Variants in KLRG1 observed in about 807,000 individuals in gnomAD.
KLRG1 encodes killer cell lectin-like receptor subfamily G member 1.
In KLRG1, 16 loss-of-function variants were observed where a neutral mutation model predicts 21.8. That is an observed-to-expected ratio of 0.73 (90% CI 0.50 to 1.11). The LOEUF (loss-of-function observed/expected upper bound fraction) is 1.11. Among genes scored for constraint, KLRG1 ranks in the 50% most tolerant of loss-of-function variants. The pLI, the probability that KLRG1 is intolerant of heterozygous loss-of-function variation, is 0.00. For missense variants in KLRG1, 173 were observed against 218.3 expected, an observed-to-expected ratio of 0.79 and a Z score of 1.31; for synonymous variants, 69 against 75.9, an observed-to-expected ratio of 0.91 and a Z score of 0.47.
At chr12:8,989,805 G>A in intron 1 of KLRG1, 88 bp downstream of exon 1, 4 of 753,494 alleles carry the variant, frequency 5.3e-6, no homozygotes, top group Non-Finnish European at 9.1e-6. Context: ...AAAGCAGAGG[G>A]TGCAGAAGAA....
chr12:9,177,312 G>T, the KLRG1 span, among the ~76,000 whole-genome samples: 4 of 152,206 alleles, frequency 2.6e-5, no homozygotes, highest in Non-Finnish European at 5.9e-5. Context: ...ACCTCTGTGT[G>T]GTGAGGAACT....
chr12:9,046,420 A>T, the KLRG1 span, among the ~76,000 whole-genome samples: 2 of 152,258 alleles, frequency 1.3e-5, no homozygotes, highest in Admixed American at 6.5e-5. Flanking sequence ...AACACCACAC[A>T]GGATACATAC....
chr12:8,977,911 TGC>T, intron 1 of KLRG1, among the ~76,000 whole-genome samples: 1 of 152,060 alleles, frequency 6.6e-6, no homozygotes, highest in South Asian at 2.1e-4. Context: ...CAGGCTGGAG[TGC>T]AGTAGCCCCA....
the KLRG1 span, chr12:9,203,736 C>T: frequency 1.2e-6 from 2 of 1,611,082 alleles, no homozygotes; most frequent in South Asian, 2.2e-5. Flanking sequence ...ATGTATCAAG[C>T]AGGGATAGCC....
chr12:9,012,860 A>G (rs1947651036), downstream of KLRG1, among the ~76,000 whole-genome samples: 2 of 152,048 alleles, frequency 1.3e-5, no homozygotes, highest in African/African-American at 4.8e-5. Flanking sequence ...AGGGAACATT[A>G]GTGATAGCCA....
At chr12:9,060,009 T>C in the KLRG1 span, among the ~76,000 whole-genome samples, 1 of 139,488 alleles carries the variant, frequency 7.2e-6, no homozygotes, top group Non-Finnish European at 1.6e-5. Flanking sequence ...TTTTTTTTTT[T>C]TTTTTTTTTT....
At chr12:9,202,467 T>C in the KLRG1 span, 8 of 1,612,330 alleles carry the variant, frequency 5.0e-6, no homozygotes, top group Middle Eastern at 1.6e-4. Flanking sequence ...ATGGAGACTT[T>C]GGCTGTTCAG....
At chr12:9,179,055 G>C in the KLRG1 span, among the ~76,000 whole-genome samples, 3 of 152,146 alleles carry the variant, frequency 2.0e-5, no homozygotes, top group Non-Finnish European at 4.4e-5. Context: ...ATTCATGAGG[G>C]AGTTAAAGCT....
upstream of KLRG1, among the ~76,000 whole-genome samples, chr12:8,986,962 C>G (rs1946852033): frequency 1.3e-5 from 2 of 152,142 alleles, no homozygotes; most frequent in African/African-American, 4.8e-5. Flanking sequence ...TTGCCTTCCA[C>G]CATGACTAAG....
chr12:9,072,941 A>G, the KLRG1 span: 29 of 1,313,012 alleles, frequency 2.2e-5, no homozygotes, highest in Non-Finnish European at 3.0e-5. Context: ...ATATTTTTCA[A>G]AGACCCATGT....
At chr12:9,146,492 A>G in the KLRG1 span, among the ~76,000 whole-genome samples, 1 of 152,008 alleles carries the variant, frequency 6.6e-6, no homozygotes, top group African/African-American at 2.4e-5. Context: ...ACATAATTCC[A>G]TTTCATTAGT....
the KLRG1 span, chr12:9,072,294 A>G: frequency 6.4e-7 from 1 of 1,568,800 alleles, no homozygotes; most frequent in Non-Finnish European, 8.7e-7. Flanking sequence ...TTACTTAAAG[A>G]GGAGTTCCCG....
chr12:9,059,551 T>C, the KLRG1 span, among the ~76,000 whole-genome samples: 6 of 152,248 alleles, frequency 3.9e-5, no homozygotes, highest in Non-Finnish European at 5.9e-5. Context: ...CATCCAAGAT[T>C]AGACAGCTCC....
chr12:9,157,899 CTGT>C, the KLRG1 span: 1 of 1,411,692 alleles, frequency 7.1e-7, no homozygotes. Flanking sequence ...ATATTCTCTT[CTGT>C]TGTTTGATGG....
chr12:9,105,302 G>C, the KLRG1 span, among the ~76,000 whole-genome samples: 1 of 152,286 alleles, frequency 6.6e-6, no homozygotes, highest in South Asian at 2.1e-4. Context: ...TCTAGCTAGA[G>C]AGTCTTATGA....
At chr12:9,184,628 C>A in the KLRG1 span, among the ~76,000 whole-genome samples, 1 of 152,258 alleles carries the variant, frequency 6.6e-6, no homozygotes, top group Non-Finnish European at 1.5e-5. Context: ...CCCACTGCTA[C>A]CATCCTGCAA....
At chr12:9,183,050 C>T in the KLRG1 span, among the ~76,000 whole-genome samples, 289 of 152,256 alleles carry the variant, frequency 1.9e-3, 1 homozygote, top group African/African-American at 6.7e-3. Flanking sequence ...ATTGTTGAAA[C>T]TCAAAATAAT....
chr12:9,162,457 C>T, the KLRG1 span: 2 of 647,954 alleles, frequency 3.1e-6, no homozygotes, highest in Non-Finnish European at 5.3e-6. Context: ...GTAAAACATA[C>T]ATAAAGAAAT....
At chr12:9,030,935 A>G in the KLRG1 span, among the ~76,000 whole-genome samples, 1 of 152,226 alleles carries the variant, frequency 6.6e-6, no homozygotes, top group Non-Finnish European at 1.5e-5. Flanking sequence ...CCTGTTTTCA[A>G]TGTAACAGGG....
Sources: allele counts gnomAD v4.1 joint callset (sites outside exome capture counted in the v4.1 genomes callset), GRCh38; gene constraint gnomAD v4.1.1; transcripts MANE v1.5; gene names NCBI Gene and HGNC (gene_info 2026-07-23, HGNC 2026-07-21).